The following PTPRT variants were observed in gnomAD, a reference collection of about 807,000 sequenced individuals.
PTPRT encodes protein tyrosine phosphatase receptor type T.
Under a neutral mutation model 176.8 loss-of-function variants are expected in PTPRT, and 56 were observed. The ratio of observed to expected loss-of-function variants is 0.32; its 90% CI spans 0.26 to 0.40. The LOEUF (loss-of-function observed/expected upper bound fraction) is 0.40, where lower values mean the gene tolerates loss of function less well. Among genes scored for constraint, PTPRT ranks in the 10% least tolerant of loss-of-function variants. The pLI is 1.00. For synonymous variants in PTPRT, 783 were observed against 739.0 expected (o/e 1.06, Z -0.96); for missense variants, 1,540 against 1,908.2 (o/e 0.81, Z 3.60).
At chr20:42,071,648 T>A (rs1982340446), downstream of PTPRT, among the ~76,000 whole-genome samples, 1 of 151,998 alleles carries the variant, frequency 6.6e-6, no homozygotes, top group Non-Finnish European at 1.5e-5. Context: ...AGCAGTGTTT[T>A]ATTTTATTTT....
In PTPRT at chr20:43,125,162, A is replaced by ATTT. The variant is rs11477178; in HGVS notation, c.88+64481_88+64483dup. ...AGGCATGTGCCGCCACACCTAGCTG[A>ATTT]TTTTTTTTTTTTTTTTAAGTAGAAA... On this transcript the variant is annotated intron_variant, in intron 1 of 30. Coordinates refer to ENST00000373187, the MANE Select transcript of PTPRT (RefSeq NM_007050.6). Among the ~76,000 whole-genome samples the ATTT allele has an allele frequency of 6.7e-3, 967 of 145,346 alleles. 7 individuals are homozygous for ATTT. Among genetic ancestry groups the ATTT allele is most frequent in the South Asian group, 0.03 (133 of 4,502 alleles).
intron 20 of PTPRT, among the ~76,000 whole-genome samples, chr20:42,119,454 T>C (rs553905545): frequency 6.6e-6 from 1 of 152,258 alleles, no homozygotes; most frequent in South Asian, 2.1e-4. Flanking sequence ...AGGATTTTTT[T>C]CCAGAAGGGT....
intron 7 of PTPRT, among the ~76,000 whole-genome samples, chr20:42,540,163 TG>T (rs554378408): frequency 9.7e-4 from 148 of 152,224 alleles, no homozygotes; most frequent in Non-Finnish European, 1.6e-3. Flanking sequence ...GACAGGGAAT[TG>T]GGAAAAATTC....
At chr20:42,828,919 A>G (rs1033319854) in intron 2 of PTPRT, among the ~76,000 whole-genome samples, 3 of 152,124 alleles carry the variant, frequency 2.0e-5, no homozygotes, top group African/African-American at 4.8e-5. Flanking sequence ...TCCATACAGA[A>G]TCTCCACTGG....
At chr20:42,219,249 C>T (rs60271742) in intron 15 of PTPRT, among the ~76,000 whole-genome samples, 31,565 of 152,036 alleles carry the variant, frequency 0.21, 3,651 homozygotes, top group African/African-American at 0.27. Context: ...TAAGTCTGGT[C>T]GGTGTTTGTT....
chr20:42,970,902 C>A (rs374581668), intron 1 of PTPRT: 18 of 152,174 alleles, frequency 1.2e-4, no homozygotes, highest in African/African-American at 4.3e-4. Flanking sequence ...GAAACTGAGA[C>A]GACAGCAAGT....
intron 9 of PTPRT, among the ~76,000 whole-genome samples, chr20:42,427,613 C>T (rs1258942981): frequency 6.6e-6 from 1 of 152,154 alleles, no homozygotes; most frequent in African/African-American, 2.4e-5. Context: ...TCCTCCCAAA[C>T]ATCCAAGCAT....
the PTPRT span, among the ~76,000 whole-genome samples, chr20:42,060,960 T>C: frequency 6.6e-6 from 1 of 152,230 alleles, no homozygotes; most frequent in Non-Finnish European, 1.5e-5. Context: ...TTAACAACTA[T>C]GTGATCTGAA....
intron 8 of PTPRT, among the ~76,000 whole-genome samples, chr20:42,450,087 T>G (rs35578581): frequency 0.23 from 35,755 of 152,250 alleles, 4,321 homozygotes; most frequent in Middle Eastern, 0.34. Flanking sequence ...TTTTAATGGC[T>G]GCTTAGAGGG....
In PTPRT at chr20:42,601,051, T is replaced by G. The variant is rs1195329716; in HGVS notation, c.1153+76815A>C. Among the ~76,000 whole-genome samples the G allele has an allele frequency of 2.0e-5, 3 of 152,176 alleles. No homozygotes were observed. The East Asian group carries it at 5.8e-4, about 29-fold the overall frequency. On this transcript the variant is annotated intron_variant, in intron 7 of 30. Coordinates refer to ENST00000373187, the MANE Select transcript of PTPRT (RefSeq NM_007050.6). ...CTGCATCTCTCACACTACTCTGAGTTCGTAGGTTGCTGTGCCTTGTCTCAG... is the reference window on the plus strand; with the variant it reads ...CTGCATCTCTCACACTACTCTGAGTGCGTAGGTTGCTGTGCCTTGTCTCAG...
chr20:42,898,434 C>T (rs941779486), intron 1 of PTPRT, among the ~76,000 whole-genome samples: 3 of 152,150 alleles, frequency 2.0e-5, no homozygotes, highest in Non-Finnish European at 4.4e-5. Context: ...TCTCAAACTG[C>T]TGGCCCTAAG....
chr20:42,394,211 A>T (rs917784188), intron 9 of PTPRT, among the ~76,000 whole-genome samples: 2 of 152,086 alleles, frequency 1.3e-5, no homozygotes, highest in Non-Finnish European at 2.9e-5. Context: ...TTACTCTTTA[A>T]TGTGGCTATG....
At position 42,748,735 on chromosome 20, in the gene PTPRT, A is replaced by C. The variant is rs540354262; in HGVS notation, c.859+7727T>G. Among the ~76,000 whole-genome samples the C allele has an allele frequency of 1.4e-3, 219 of 152,244 alleles. 2 individuals carry two copies. The highest frequency in any genetic ancestry group is 4.8e-3 in the African/African-American group (200 of 41,546). On this transcript the variant is annotated intron_variant, in intron 6 of 30. Coordinates refer to ENST00000373187, the MANE Select transcript of PTPRT (RefSeq NM_007050.6). ...AGCGGGGGGTTACATCCTGTATGAC[A>C]AGACAGTAAAGCCAGAAAATTAAGA...
chr20:42,036,900 A>G, the PTPRT span, among the ~76,000 whole-genome samples: 7 of 152,334 alleles, frequency 4.6e-5, no homozygotes, highest in Admixed American at 3.9e-4. Flanking sequence ...ATCAAATGGA[A>G]GAGGCAATAA....
At chr20:43,034,160 C>T (rs942988325) in intron 1 of PTPRT, among the ~76,000 whole-genome samples, 2 of 152,224 alleles carry the variant, frequency 1.3e-5, no homozygotes, top group South Asian at 2.1e-4. Flanking sequence ...ACAGAAAGAA[C>T]CATCCAAGGA....
In PTPRT at chr20:42,077,638, A is replaced by G. The variant is rs943846708; in HGVS notation, c.*3241T>C. On this transcript the variant is annotated 3_prime_UTR_variant, in exon 31 of 31. Transcript: ENST00000373187. Reference sequence around the variant, plus strand: ...CCAAGCCTTGCCACATCCTTGTCCCATGGGATCTTAGGGAAGTCATCCCCA... The same window carrying G: ...CCAAGCCTTGCCACATCCTTGTCCCGTGGGATCTTAGGGAAGTCATCCCCA... 3 of 218,332 alleles carry G rather than the reference A, an allele frequency of 1.4e-5. No individual in the cohort carries two copies. Among genetic ancestry groups the G allele is most frequent in the East Asian group, 6.7e-5 (1 of 15,002 alleles). 13.5% of individuals were successfully genotyped at this position (218,332 alleles called of 1,614,324 possible). A position where few individuals can be genotyped will look rare whatever the true frequency, so the allele number is the denominator to read the frequency against.
At chr20:42,147,433 G>C (rs1988919126) in intron 17 of PTPRT, among the ~76,000 whole-genome samples, 2 of 152,128 alleles carry the variant, frequency 1.3e-5, no homozygotes, top group Admixed American at 6.5e-5. Flanking sequence ...CTCACTTTTG[G>C]ACAGACTCAC....
intron 7 of PTPRT, among the ~76,000 whole-genome samples, chr20:42,541,325 A>G (rs908127366): frequency 6.6e-6 from 1 of 152,166 alleles, no homozygotes. Context: ...TTAGCTATCT[A>G]TGATATTCAA....
chr20:42,174,491 A>G (rs1231972261), intron 16 of PTPRT, among the ~76,000 whole-genome samples: 2 of 152,138 alleles, frequency 1.3e-5, no homozygotes, highest in African/African-American at 4.8e-5. Context: ...GTATTGATAG[A>G]TCCATGTGGA....
Sources: allele counts gnomAD v4.1 joint callset (sites outside exome capture counted in the v4.1 genomes callset), GRCh38; gene constraint gnomAD v4.1.1; transcripts MANE v1.5; gene names NCBI Gene and HGNC (gene_info 2026-07-23, HGNC 2026-07-21).